Variants in RGPD1 observed in about 807,000 individuals in gnomAD.
The protein encoded by RGPD1 is RANBP2 like and GRIP domain containing 1, also known as RANBP2-like and GRIP domain-containing protein 1.
In RGPD1, 7 loss-of-function variants were observed where a neutral mutation model predicts 40.6. The observed-to-expected ratio is 0.17, with a 90% CI of 0.10 to 0.32. RGPD1 has a LOEUF of 0.32. Among genes scored for constraint, RGPD1 ranks in the 10% least tolerant of loss-of-function variants. The pLI, the probability that RGPD1 is intolerant of heterozygous loss-of-function variation, is 1.00. For synonymous variants in RGPD1, 24 were observed against 167.0 expected, an observed-to-expected ratio of 0.14 and a Z score of 6.60; for missense variants, 50 against 472.5, an observed-to-expected ratio of 0.11 and a Z score of 8.29.
intron 8 of RGPD1, among the ~76,000 whole-genome samples, chr2:86,971,104 G>A (rs1681195554): frequency 4.2e-5 from 1 of 23,730 alleles, no homozygotes; most frequent in Non-Finnish European, 6.7e-5. Flanking sequence ...GCGTGATCTC[G>A]GCTCACTGCA....
intron 22 of RGPD1, among the ~76,000 whole-genome samples, chr2:86,998,548 A>C (rs1681877100): frequency 2.8e-5 from 3 of 108,036 alleles, no homozygotes; most frequent in South Asian, 3.2e-4. Flanking sequence ...AAAAAAAAAA[A>C]AAAAAAAAAA....
Position 86,942,310 on chromosome 2 carries a change from T to C in RGPD1, c.72+2T>C, listed in dbSNP as rs1679854404. ...GGCTCCGCCCCGTCGCCTGGAAAGG[T>C]GAGTGGATCTCGAAGAGACCGACGG... On this transcript the variant is annotated splice_donor_variant, in intron 1 of 22. Transcript: ENST00000641458. LOFTEE classifies it high-confidence loss of function. 1.9e-6 allele frequency: 3 copies of C among 1,571,196 alleles called. No homozygotes were observed. Among genetic ancestry groups the C allele is most frequent in the Non-Finnish European group, 2.6e-6 (3 of 1,160,524 alleles).
chr2:86,923,443 A>G (rs1318197998), intron 1 of RGPD1, among the ~76,000 whole-genome samples: 3 of 151,724 alleles, frequency 2.0e-5, no homozygotes, highest in Non-Finnish European at 4.4e-5. Flanking sequence ...CAGTTTTAAT[A>G]TATGCACACT....
chr2:86,939,359 A>G (rs1023302524), upstream of RGPD1, among the ~76,000 whole-genome samples: 1 of 149,390 alleles, frequency 6.7e-6, no homozygotes, highest in Non-Finnish European at 1.5e-5. Context: ...AAGATGGATC[A>G]CTGGAGGCCA....
At chr2:86,940,814 GGATA>G (rs1301599967), upstream of RGPD1, among the ~76,000 whole-genome samples, 1 of 150,096 alleles carries the variant, frequency 6.7e-6, no homozygotes, top group Non-Finnish European at 1.5e-5. Context: ...ATCCCCACAT[GGATA>G]GATAAATGGT....
intron 22 of RGPD1, among the ~76,000 whole-genome samples, chr2:87,000,307 C>T (rs1411697293): frequency 7.5e-6 from 1 of 133,144 alleles, no homozygotes. Context: ...TAACAGGTCT[C>T]TTTTAAAAGC....
chr2:86,942,342 C>A (rs1679863483), intron 1 of RGPD1, 34 bp downstream of exon 1: 4 of 958,322 alleles, frequency 4.2e-6, no homozygotes, highest in South Asian at 4.5e-5. Flanking sequence ...ACGGCCTCGA[C>A]CTGGCCGGGC....
chr2:86,943,468 C>A (rs1475373883), intron 1 of RGPD1, among the ~76,000 whole-genome samples: 1 of 151,998 alleles, frequency 6.6e-6, no homozygotes, highest in South Asian at 2.1e-4. Context: ...GTAATTGGAT[C>A]TAAAGAGTGA....
At chr2:86,941,383 C>G (rs913119555), upstream of RGPD1, among the ~76,000 whole-genome samples, 1 of 150,046 alleles carries the variant, frequency 6.7e-6, no homozygotes, top group Non-Finnish European at 1.5e-5. Flanking sequence ...GGGGGCTATT[C>G]CTTTTCCTTT....
chr2:86,919,411 CTG>C (rs775465952), intron 1 of RGPD1, among the ~76,000 whole-genome samples: 1 of 147,006 alleles, frequency 6.8e-6, no homozygotes, highest in Non-Finnish European at 1.5e-5. Flanking sequence ...CGTCACGCCT[CTG>C]CGTAGAATCC....
chr2:87,000,229 A>G (rs1681928117), intron 22 of RGPD1, among the ~76,000 whole-genome samples: 1 of 136,184 alleles, frequency 7.3e-6, no homozygotes. Flanking sequence ...GGACTTTAAG[A>G]ATGTTTGCAT....
intron 1 of RGPD1, among the ~76,000 whole-genome samples, chr2:86,944,200 T>G (rs1181957708): frequency 1.3e-5 from 2 of 152,112 alleles, no homozygotes; most frequent in Non-Finnish European, 2.9e-5. Context: ...TGCAGCAGAA[T>G]TTTGGCAGTG....
At chr2:86,938,664 A>G (rs1679511801), upstream of RGPD1, among the ~76,000 whole-genome samples, 1 of 150,952 alleles carries the variant, frequency 6.6e-6, no homozygotes, top group Non-Finnish European at 1.5e-5. Context: ...TTTAAGGCCC[A>G]GGACAGGCCT....
At chr2:86,940,899 A>G (rs1354623824), upstream of RGPD1, among the ~76,000 whole-genome samples, 5 of 152,134 alleles carry the variant, frequency 3.3e-5, no homozygotes, top group Non-Finnish European at 5.9e-5. Flanking sequence ...TTTACATGTC[A>G]TTTCTGTTAA....
chr2:86,941,373 G>A (rs1185606785), upstream of RGPD1, among the ~76,000 whole-genome samples: 1 of 150,850 alleles, frequency 6.6e-6, no homozygotes, highest in African/African-American at 2.4e-5. Flanking sequence ...TATAGATTTG[G>A]GGGGCTATTC....
rs545930168 is a variant in RGPD1, at chr2:86,929,934, T to C, written c.72+16013T>C. Among the ~76,000 whole-genome samples the C allele has an allele frequency of 3.6e-5, 5 of 140,700 alleles. 1 individual carries two copies. Among genetic ancestry groups the C allele is most frequent in the South Asian group, 2.4e-4 (1 of 4,132 alleles). 92.3% of individuals were successfully genotyped at this position (140,700 alleles called of 152,430 possible). A position where few individuals can be genotyped will look rare whatever the true frequency, so the allele number is the denominator to read the frequency against. On this transcript the variant is annotated intron_variant, in intron 1 of 22. Transcript: ENST00000398193. ...CCATCCACCCTCTCAAAACTACTTA[T>C]GGGATGTCCCCTTCACTGGAAGACA...
intron 1 of RGPD1, chr2:86,934,357 CAAA>C (rs575604991): frequency 5.2e-5 from 5 of 96,210 alleles, no homozygotes; most frequent in Non-Finnish European, 8.9e-5. Context: ...GTCTCTGTCT[CAAA>C]AAAAAAAAAA....
chr2:86,934,801 G>C, intron 1 of RGPD1: 1 of 149,508 alleles, frequency 6.7e-6, no homozygotes, highest in Non-Finnish European at 1.5e-5. Context: ...AGGGGTGAAG[G>C]AGTATACTTT....
upstream of RGPD1, among the ~76,000 whole-genome samples, chr2:86,941,927 G>T (rs1465214291): frequency 1.3e-5 from 2 of 151,798 alleles, no homozygotes; most frequent in Non-Finnish European, 1.5e-5. Flanking sequence ...GGCCAGGCTG[G>T]TCTCCAACTC....
Sources: allele counts gnomAD v4.1 joint callset (sites outside exome capture counted in the v4.1 genomes callset), GRCh38; gene constraint gnomAD v4.1.1; transcripts MANE v1.5; gene names NCBI Gene and HGNC (gene_info 2026-07-23, HGNC 2026-07-21).